Variants in ADARB1 observed in about 807,000 individuals in gnomAD.
ADARB1 encodes the protein double-stranded RNA-specific editase 1.
ADARB1 carries 10 observed loss-of-function variants against 52.4 expected under a neutral mutation model. The observed-to-expected ratio is 0.19, with a 90% CI of 0.12 to 0.32. ADARB1 has a LOEUF of 0.32. Among genes scored for constraint, ADARB1 ranks in the 10% least tolerant of loss-of-function variants. The pLI, the probability that ADARB1 is intolerant of heterozygous loss-of-function variation, is 1.00. For missense variants in ADARB1, 643 were observed against 922.3 expected (o/e 0.70, Z 3.92); for synonymous variants, 349 against 371.1 (o/e 0.94, Z 0.68).
intron 1 of ADARB1, among the ~76,000 whole-genome samples, chr21:45,125,590 C>G (rs2088526021): frequency 6.6e-6 from 1 of 152,276 alleles, no homozygotes; most frequent in Non-Finnish European, 1.5e-5. Context: ...CAGTCACCCG[C>G]CTGCTGGGAC....
chr21:45,183,542 T>C (rs747732706), intron 7 of ADARB1, 32 bp downstream of exon 7: 6 of 1,608,042 alleles, frequency 3.7e-6, no homozygotes, highest in Non-Finnish European at 3.4e-6. Context: ...CAAGCCAGTT[T>C]CTCAAGAAAA....
At chr21:45,173,948 G>A (rs1229120763) in intron 3 of ADARB1, among the ~76,000 whole-genome samples, 3 of 152,084 alleles carry the variant, frequency 2.0e-5, no homozygotes, top group Non-Finnish European at 2.9e-5. Context: ...CATGGATTGT[G>A]TCTAAACCAG....
At chr21:45,093,619 A>C (rs962922260) in intron 1 of ADARB1, among the ~76,000 whole-genome samples, 6 of 152,148 alleles carry the variant, frequency 3.9e-5, no homozygotes, top group African/African-American at 1.4e-4. Flanking sequence ...TCTCAGGAAG[A>C]GGCCCTTTGA....
chr21:45,095,045 G>C (rs1230732032), intron 1 of ADARB1, among the ~76,000 whole-genome samples: 1 of 152,178 alleles, frequency 6.6e-6, no homozygotes, highest in Non-Finnish European at 1.5e-5. Flanking sequence ...CTCTGAAATG[G>C]GTCTTGCTAG....
At chr21:45,131,875 C>T (rs887028967) in intron 2 of ADARB1, among the ~76,000 whole-genome samples, 1 of 152,210 alleles carries the variant, frequency 6.6e-6, no homozygotes, top group African/African-American at 2.4e-5. Context: ...TGTCCTGGTG[C>T]CTGGCGGTGT....
intron 2 of ADARB1, among the ~76,000 whole-genome samples, chr21:45,137,826 G>A (rs2089478479): frequency 2.0e-5 from 3 of 152,086 alleles, no homozygotes. Flanking sequence ...CTGGAAAGCT[G>A]GGTTTGTTTT....
At chr21:45,130,377 A>G (rs2088854268) in intron 2 of ADARB1, among the ~76,000 whole-genome samples, 1 of 152,248 alleles carries the variant, frequency 6.6e-6, no homozygotes, top group African/African-American at 2.4e-5. Flanking sequence ...GGAGATATCT[A>G]AAGCATGTGC....
At position 45,220,777 on chromosome 21, in the gene ADARB1, G is replaced by T. The variant is rs757452560; in HGVS notation, c.1748-59G>T. Reference sequence around the variant, plus strand: ...TGAGCACAGTGTGCCGCCCGTGGCTGCTCCCTCCCTGGGGGTGAAAGCGGG... The same window carrying T: ...TGAGCACAGTGTGCCGCCCGTGGCTTCTCCCTCCCTGGGGGTGAAAGCGGG... On this transcript the variant is annotated intron_variant, in intron 9 of 10. Transcript: ENST00000348831. This position sits in a 1 kb window ranked among gnomAD's most constrained non-coding sequence, Gnocchi z 6.3. 2 of 1,581,380 alleles carry T rather than the reference G, an allele frequency of 1.3e-6. No individual in the cohort carries two copies. The highest frequency in any genetic ancestry group is 1.7e-6 in the Non-Finnish European group (2 of 1,157,560).
chr21:45,118,257 TC>T, intron 1 of ADARB1, among the ~76,000 whole-genome samples: 1 of 152,356 alleles, frequency 6.6e-6, no homozygotes, highest in Non-Finnish European at 1.5e-5. Flanking sequence ...GTTTCTCCTA[TC>T]CCATGGTGTT....
chr21:45,146,512 G>A (rs2090015587), intron 2 of ADARB1, among the ~76,000 whole-genome samples: 1 of 152,226 alleles, frequency 6.6e-6, no homozygotes, highest in Admixed American at 6.5e-5. Context: ...ACCACTAGCA[G>A]CCTCCCTGGG....
intron 2 of ADARB1, among the ~76,000 whole-genome samples, chr21:45,130,578 G>A (rs2088870969): frequency 6.6e-6 from 1 of 152,156 alleles, no homozygotes; most frequent in Non-Finnish European, 1.5e-5. Context: ...TTTTCAGGGT[G>A]GTTTAAATAA....
At chr21:45,217,101 T>A (rs939003673) in intron 9 of ADARB1, among the ~76,000 whole-genome samples, 70 of 152,004 alleles carry the variant, frequency 4.6e-4, no homozygotes, top group African/African-American at 1.4e-3. Flanking sequence ...ATGTTTCTTA[T>A]AGACATATAT....
intron 9 of ADARB1, among the ~76,000 whole-genome samples, chr21:45,205,210 A>G (rs1265294731): frequency 2.0e-5 from 3 of 152,130 alleles, no homozygotes; most frequent in Admixed American, 2.0e-4. Context: ...GCAGTAAGCC[A>G]AGATTGTACC....
chr21:45,149,616 T>C (rs1165355825), intron 2 of ADARB1, among the ~76,000 whole-genome samples: 1 of 152,238 alleles, frequency 6.6e-6, no homozygotes, highest in Non-Finnish European at 1.5e-5. Context: ...AACTGTTAAT[T>C]TAACTGTTAT....
chr21:45,129,795 T>C (rs2088821031), intron 2 of ADARB1, among the ~76,000 whole-genome samples: 1 of 152,140 alleles, frequency 6.6e-6, no homozygotes, highest in African/African-American at 2.4e-5. Context: ...GGACGCCGTC[T>C]TTGGGGAGTA....
In ADARB1 at chr21:45,112,341, C is replaced by T. The variant is rs533816750; in HGVS notation, c.-219-16061C>T. ...GCCTTTTTTATTCGGTGTAAAGAGG[C>T]ACAGGGACTTCATATCTGCTATAGA... On this transcript the variant is annotated intron_variant, in intron 1 of 10. Coordinates refer to ENST00000348831, the MANE Select transcript of ADARB1 (RefSeq NM_001112.4). Among the ~76,000 whole-genome samples the T allele has an allele frequency of 1.1e-4, 16 of 152,258 alleles. No homozygotes were observed. The East Asian group carries it at 2.5e-3, about 24-fold the overall frequency.
At chr21:45,189,426 C>T (rs186804689) in intron 8 of ADARB1, among the ~76,000 whole-genome samples, 146 of 152,164 alleles carry the variant, frequency 9.6e-4, no homozygotes, top group African/African-American at 3.3e-3. Flanking sequence ...ACTGTATATC[C>T]ATTAATATAC....
In ADARB1 at chr21:45,171,500, T is replaced by C. The variant is rs190156372; in HGVS notation, c.-47-110T>C. 47 of 722,744 alleles carry C rather than the reference T, an allele frequency of 6.5e-5. No individual in the cohort carries two copies. The African/African-American group carries it at 6.6e-4, about 10-fold the overall frequency. The allele number at this position is 722,744 out of a possible 1,614,324, so 44.8% of individuals were successfully genotyped here. On this transcript the variant is annotated intron_variant, in intron 2 of 10. Transcript: ENST00000348831. ...ACAAGACCTAGTTCTTATTTTATGA[T>C]TTTTTTCCTTTAATTTGTAATAATG...
At position 45,223,071 on chromosome 21, in the gene ADARB1, A is replaced by G. The variant is rs928721405; in HGVS notation, c.*874A>G. ...AAAGGATATTTAACTTTTATGGACT[A>G]GAAGGAATCACGAGGGCTACTGCAC... On this transcript the variant is annotated 3_prime_UTR_variant, in exon 11 of 11. Transcript: ENST00000348831. 14 of 985,340 alleles carry G rather than the reference A, an allele frequency of 1.4e-5. No individual in the cohort carries two copies. Among genetic ancestry groups the G allele is most frequent in the Non-Finnish European group, 1.6e-5 (13 of 829,942 alleles). 61.0% of individuals were successfully genotyped at this position (985,340 alleles called of 1,614,324 possible). A position where few individuals can be genotyped will look rare whatever the true frequency, so the allele number is the denominator to read the frequency against.
Sources: gnomAD v4.1 joint callset for allele counts (sites outside exome capture counted in the v4.1 genomes callset) on GRCh38, gnomAD v4.1.1 for gene constraint, Gnocchi (gnomAD v3.1) non-coding constraint, MANE v1.5 for transcripts, NCBI Gene and HGNC (gene_info 2026-07-23, HGNC 2026-07-21) for gene names.